CCDC47: variants seen among roughly 807,000 people sequenced by gnomAD.
The protein encoded by CCDC47 is coiled-coil domain containing 47, also known as PAT complex subunit CCDC47.
In CCDC47, 41 loss-of-function variants were observed where a neutral mutation model predicts 60.5. That is an observed-to-expected ratio of 0.68 (90% confidence interval 0.53 to 0.88). The LOEUF is 0.88. Among genes scored for constraint, CCDC47 ranks in the 40% least tolerant of loss-of-function variants. The probability of loss-of-function intolerance (pLI) is 0.00; values close to 1 mark genes in which losing one functional copy is unlikely to be tolerated. For synonymous variants in CCDC47, 195 were observed against 190.7 expected, an observed-to-expected ratio of 1.02 and a Z score of -0.18; for missense variants, 513 against 580.9, an observed-to-expected ratio of 0.88 and a Z score of 1.20.
intron 1 of CCDC47, chr17:63,766,990 T>C: frequency 1.0e-6 from 1 of 959,472 alleles, no homozygotes; most frequent in South Asian, 4.8e-5. Flanking sequence ...CACTATGTGC[T>C]AGACACTGTT....
intron 10 of CCDC47, 71 bp downstream of exon 10, chr17:63,752,670 G>A (rs1393852450): frequency 6.9e-7 from 1 of 1,449,232 alleles, no homozygotes; most frequent in East Asian, 2.4e-5. Flanking sequence ...TATCATTTAG[G>A]AGGAAACAAT....
intron 6 of CCDC47, among the ~76,000 whole-genome samples, chr17:63,759,837 G>A (rs1044035370): frequency 6.6e-6 from 1 of 151,058 alleles, no homozygotes; most frequent in African/African-American, 2.4e-5. Context: ...AGGCCAACAC[G>A]GGCGGATCAC....
At position 63,773,526 on chromosome 17, in the gene CCDC47, C is replaced by T. The variant is rs1194842082; in HGVS notation, c.-134G>A. The stretch of plus-strand genomic sequence containing the variant: ...GCAGCGGTTTTACTGCCCCGGATGC[C>T]TCTAGGACGCAGCCAGAACCGTAGC... On this transcript the variant is annotated 5_prime_UTR_variant, in exon 1 of 13. Transcript: ENST00000225726. 2.6e-5 allele frequency: 4 copies of T among 152,492 alleles called. No individual in the cohort carries two copies. The highest frequency in any genetic ancestry group is 1.3e-4 in the Admixed American group (2 of 15,296). 9.4% of individuals were successfully genotyped at this position (152,492 alleles called of 1,614,324 possible).
chr17:63,761,296 A>C lies in CCDC47; in HGVS notation c.603T>G (p.Asn201Lys). Reference sequence around the variant, plus strand: ...AACACCACAGGTTATAGATGTGCTCATTCTCCTGGTTCAACTTTCCTGTGC... The same window carrying C: ...AACACCACAGGTTATAGATGTGCTCCTTCTCCTGGTTCAACTTTCCTGTGC... ...ATSTGKLNQE[N>K]EHIYNLWCSG... Residue 201 changes from asparagine to lysine, a missense_variant, in exon 5 of 13, where the codon AAT becomes AAG. Transcript: ENST00000225726. 2 of 1,614,072 alleles carry C rather than the reference A, an allele frequency of 1.2e-6. No individual in the cohort carries two copies. Among genetic ancestry groups the C allele is most frequent in the Non-Finnish European group, 1.7e-6 (2 of 1,179,972 alleles).
intron 5 of CCDC47, 55 bp downstream of exon 5, chr17:63,761,175 A>G: frequency 6.2e-7 from 1 of 1,607,998 alleles, no homozygotes; most frequent in Middle Eastern, 1.7e-4. Flanking sequence ...GCTGGGAATC[A>G]CAACTGGACA....
intron 12 of CCDC47, 121 bp downstream of exon 12, chr17:63,751,819 T>C (rs1249691067): frequency 1.5e-5 from 15 of 1,016,526 alleles, no homozygotes; most frequent in Non-Finnish European, 2.0e-5. Flanking sequence ...ATTGATACAA[T>C]GTCCCAAATG....
chr17:63,759,576 TAA>T (rs1568249237), intron 6 of CCDC47, among the ~76,000 whole-genome samples: 17 of 56,330 alleles, frequency 3.0e-4, no homozygotes, highest in East Asian at 4.8e-4. Context: ...TATATATATA[TAA>T]AACAATGATT....
chr17:63,747,373 C>T, intron 12 of CCDC47: 2 of 984,092 alleles, frequency 2.0e-6, no homozygotes, highest in Non-Finnish European at 2.4e-6. Flanking sequence ...TTTTAAGAAT[C>T]TTGTTCCATC....
At chr17:63,755,012 C>T (rs1340663246) in intron 8 of CCDC47, among the ~76,000 whole-genome samples, 1 of 152,112 alleles carries the variant, frequency 6.6e-6, no homozygotes, top group Non-Finnish European at 1.5e-5. Flanking sequence ...GCTCTCTTAC[C>T]CAGGCTAGAG....
chr17:63,747,233 T>C, intron 12 of CCDC47: 8 of 983,990 alleles, frequency 8.1e-6, no homozygotes, highest in Non-Finnish European at 9.7e-6. Context: ...TAACCAGCCT[T>C]TGTTATTCTG....
intron 1 of CCDC47, among the ~76,000 whole-genome samples, chr17:63,768,598 G>A (rs958549991): frequency 1.3e-5 from 2 of 152,146 alleles, no homozygotes; most frequent in Admixed American, 1.3e-4. Flanking sequence ...ACTGAGGTGA[G>A]AAAATTGCTT....
At chr17:63,772,048 C>T (rs2039346530) in intron 1 of CCDC47, among the ~76,000 whole-genome samples, 1 of 151,910 alleles carries the variant, frequency 6.6e-6, no homozygotes, top group African/African-American at 2.4e-5. Flanking sequence ...CGCCACTGCA[C>T]TCCAGCCTGG....
chr17:63,761,517 TAAAAA>T, intron 4 of CCDC47, 166 bp from the exon 5 acceptor site: 3 of 191,616 alleles, frequency 1.6e-5, no homozygotes, highest in Admixed American at 7.2e-5. Context: ...CTGTCCCTAC[TAAAAA>T]AAAAAAAAAA....
chr17:63,747,070 G>A (rs2039126045), intron 12 of CCDC47, 109 bp from the exon 13 acceptor site: 2 of 1,466,136 alleles, frequency 1.4e-6, no homozygotes, highest in African/African-American at 2.8e-5. Flanking sequence ...ACTGCCTATA[G>A]TATTATTCAA....
Position 63,764,737 on chromosome 17 carries a change from T to C in CCDC47, c.372+3A>G, listed in dbSNP as rs2144493342. 1 of 1,608,080 alleles carries C rather than the reference T, an allele frequency of 6.2e-7. No individual in the cohort carries two copies. Among genetic ancestry groups the C allele is most frequent in the South Asian group, 1.1e-5 (1 of 89,916 alleles). ...TTGGGAATTCAGAATCCTGGATACC[T>C]ACATCAACAATCGTTATTGGGTCTT... On this transcript the variant is annotated splice_donor_region_variant and intron_variant, in intron 3 of 12. Transcript: ENST00000225726.
intron 6 of CCDC47, among the ~76,000 whole-genome samples, chr17:63,760,632 A>G (rs922497739): frequency 9.2e-5 from 14 of 152,168 alleles, no homozygotes; most frequent in Non-Finnish European, 2.1e-4. Context: ...TGAGGTCAGG[A>G]GTTCGAGACT....
intron 8 of CCDC47, chr17:63,755,262 C>A (rs530419890): frequency 5.0e-5 from 49 of 982,086 alleles, no homozygotes; most frequent in Middle Eastern, 5.2e-4. Flanking sequence ...CCACAGCGCG[C>A]GGACAAGGCT....
rs760287835 is a variant in CCDC47, at chr17:63,766,180, C to A, written c.-5G>T. On this transcript the variant is annotated 5_prime_UTR_variant, in exon 2 of 13. Coordinates refer to ENST00000225726, the MANE Select transcript of CCDC47 (RefSeq NM_020198.3). ...GAAAGTGTGGAAGGCTTTCATTGCA[C>A]CTTGAGAAAAAAAGCTTAAAAAAAA... 1 of 1,593,640 alleles carries A rather than the reference C, an allele frequency of 6.3e-7. No homozygotes were observed.
chr17:63,748,157 GTTTT>G (rs1198742989), intron 12 of CCDC47, among the ~76,000 whole-genome samples: 1 of 146,292 alleles, frequency 6.8e-6, no homozygotes, highest in South Asian at 2.2e-4. Flanking sequence ...GCCTGGCCAG[GTTTT>G]TTTTTTTGTT....
Sources: allele counts gnomAD v4.1 joint callset (sites outside exome capture counted in the v4.1 genomes callset), GRCh38; gene constraint gnomAD v4.1.1; transcripts MANE v1.5; gene names NCBI Gene and HGNC (gene_info 2026-07-23, HGNC 2026-07-21).